Variants in MGMT observed in about 807,000 individuals in gnomAD.
The protein encoded by MGMT is methylated-DNA--protein-cysteine methyltransferase.
A neutral mutation model predicts 15.9 loss-of-function variants in MGMT; 14 were observed. The ratio of observed to expected loss-of-function variants is 0.88; its 90% CI spans 0.58 to 1.37. The LOEUF is 1.37. Among genes scored for constraint, MGMT ranks in the 40% most tolerant of loss-of-function variants. MGMT has a pLI of 0.00. For synonymous variants in MGMT, 130 were observed against 118.2 expected (o/e 1.10, Z -0.65); for missense variants, 282 against 268.1 (o/e 1.05, Z -0.36).
intron 2 of MGMT, among the ~76,000 whole-genome samples, chr10:129,582,505 A>G (rs746829833): frequency 3.9e-5 from 6 of 152,130 alleles, no homozygotes; most frequent in Non-Finnish European, 5.9e-5. Context: ...TCTCCGTACA[A>G]CGTCTTCCCG....
chr10:129,664,178 A>G (rs572334368), intron 2 of MGMT, among the ~76,000 whole-genome samples: 1 of 152,350 alleles, frequency 6.6e-6, no homozygotes, highest in African/African-American at 2.4e-5. Context: ...TGTTCATTGC[A>G]TTGCAGATGA....
intron 1 of MGMT, among the ~76,000 whole-genome samples, chr10:129,507,816 C>T (rs778690271): frequency 6.6e-6 from 1 of 152,208 alleles, no homozygotes; most frequent in Non-Finnish European, 1.5e-5. Context: ...ACCTTTCCGT[C>T]TCCCAAAATA....
chr10:129,528,806 G>A (rs1490466852), intron 1 of MGMT, among the ~76,000 whole-genome samples: 1 of 152,200 alleles, frequency 6.6e-6, no homozygotes, highest in East Asian at 1.9e-4. Context: ...AAGGAAGGAA[G>A]GGTAGGGGAT....
At chr10:129,540,800 C>A (rs1190098032) in intron 2 of MGMT, among the ~76,000 whole-genome samples, 1 of 152,192 alleles carries the variant, frequency 6.6e-6, no homozygotes, top group East Asian at 1.9e-4. Context: ...ACCTTGGATG[C>A]CATCTGGGTC....
chr10:129,669,168 T>A (rs1440023899), intron 2 of MGMT, among the ~76,000 whole-genome samples: 2 of 152,194 alleles, frequency 1.3e-5, no homozygotes, highest in African/African-American at 4.8e-5. Context: ...ATTTTTGTTT[T>A]TTTAAAAATC....
intron 1 of MGMT, among the ~76,000 whole-genome samples, chr10:129,496,495 G>A (rs1265090632): frequency 2.6e-5 from 4 of 152,126 alleles, no homozygotes; most frequent in Admixed American, 6.5e-5. Flanking sequence ...TGCAACCTCT[G>A]GCTTCCATAT....
At position 129,566,381 on chromosome 10, in the gene MGMT, A is replaced by G. The variant is rs563146341; in HGVS notation, c.125+30004A>G. 6.6e-6 allele frequency among the ~76,000 whole-genome samples: 1 copy of G among 152,262 alleles called. No homozygotes were observed. Among genetic ancestry groups the G allele is most frequent in the South Asian group, 2.1e-4 (1 of 4,824 alleles). On this transcript the variant is annotated intron_variant, in intron 2 of 4. Coordinates refer to ENST00000651593, the MANE Select transcript of MGMT (RefSeq NM_002412.5). The surrounding 1 kb of genome is among the most constrained non-coding windows in gnomAD (Gnocchi z 4.1). The stretch of plus-strand genomic sequence containing the variant: ...GCTCTGGCTCTGGGATTCCAAACCA[A>G]GCTGCCTTCTCTGATGTGGCCTTAG...
At chr10:129,700,672 A>G (rs1030439146) in intron 2 of MGMT, 3 of 152,232 alleles carry the variant, frequency 2.0e-5, no homozygotes, top group Non-Finnish European at 4.4e-5. Context: ...TGAAATACAG[A>G]GTCAAAAGGT....
chr10:129,578,696 CAAGAT>C (rs1019523082), intron 2 of MGMT, among the ~76,000 whole-genome samples: 2 of 152,214 alleles, frequency 1.3e-5, no homozygotes, highest in African/African-American at 4.8e-5. Flanking sequence ...AAGAAAGAAA[CAAGAT>C]GAGCTTGTGG....
intron 2 of MGMT, among the ~76,000 whole-genome samples, chr10:129,599,646 A>T (rs927924030): frequency 1.3e-5 from 2 of 152,218 alleles, no homozygotes; most frequent in African/African-American, 4.8e-5. Flanking sequence ...ATAATACTGC[A>T]GTCAGTGCAG....
chr10:129,572,372 T>C lies in MGMT; in HGVS notation c.125+35995T>C, dbSNP rs569708724. Among the ~76,000 whole-genome samples, 22 of 152,302 alleles carry C rather than the reference T, an allele frequency of 1.4e-4. No homozygotes were observed. In the South Asian group the frequency reaches 3.1e-3, roughly 22 times the overall value. On this transcript the variant is annotated intron_variant, in intron 2 of 4. Coordinates refer to ENST00000651593, the MANE Select transcript of MGMT (RefSeq NM_002412.5). The stretch of plus-strand genomic sequence containing the variant: ...ACATTAAGGTTATTTTTCAAACAGG[T>C]TATAGTTCAGAGAAATTAATTTAAA...
At chr10:129,614,044 C>T (rs779207095) in intron 2 of MGMT, among the ~76,000 whole-genome samples, 3 of 152,226 alleles carry the variant, frequency 2.0e-5, no homozygotes, top group Non-Finnish European at 4.4e-5. Flanking sequence ...CACCACCACC[C>T]ATCCTCAGAG....
At chr10:129,480,806 G>A (rs908717684) in intron 1 of MGMT, among the ~76,000 whole-genome samples, 2 of 152,202 alleles carry the variant, frequency 1.3e-5, no homozygotes, top group East Asian at 1.9e-4. Flanking sequence ...ATTCATTTTT[G>A]AGAAAACATC....
At chr10:129,511,357 A>G (rs1845681651) in intron 1 of MGMT, among the ~76,000 whole-genome samples, 1 of 148,306 alleles carries the variant, frequency 6.7e-6, no homozygotes, top group African/African-American at 2.5e-5. Context: ...AGACACAGAC[A>G]TGTGCTTCCT....
At chr10:129,764,554 C>T (rs1417832533) in intron 4 of MGMT, among the ~76,000 whole-genome samples, 1 of 152,254 alleles carries the variant, frequency 6.6e-6, no homozygotes, top group Non-Finnish European at 1.5e-5. Flanking sequence ...CAGCTGCTTC[C>T]TCTAAAAGCT....
chr10:129,572,784 A>G (rs1331664702), intron 2 of MGMT, among the ~76,000 whole-genome samples: 1 of 152,224 alleles, frequency 6.6e-6, no homozygotes, highest in East Asian at 1.9e-4. Context: ...AGCATGATTC[A>G]GACAGCTCTG....
intron 1 of MGMT, among the ~76,000 whole-genome samples, chr10:129,511,699 A>C (rs190980145): frequency 1.2e-3 from 185 of 152,320 alleles, no homozygotes; most frequent in Admixed American, 2.3e-3. Context: ...TGAGGGGCCT[A>C]GCATATACTA....
intron 3 of MGMT, among the ~76,000 whole-genome samples, chr10:129,723,084 C>G (rs1369183563): frequency 6.8e-6 from 1 of 146,612 alleles, no homozygotes; most frequent in Non-Finnish European, 1.5e-5. Flanking sequence ...TTTTTCCATT[C>G]CATTTTCAGA....
chr10:129,667,677 A>G (rs1194257334), intron 2 of MGMT, among the ~76,000 whole-genome samples: 1 of 152,158 alleles, frequency 6.6e-6, no homozygotes, highest in Non-Finnish European at 1.5e-5. Flanking sequence ...GGATGTAATT[A>G]TTGTTAGTTT....
Sources: allele counts gnomAD v4.1 joint callset (sites outside exome capture counted in the v4.1 genomes callset), GRCh38; gene constraint gnomAD v4.1.1; non-coding constraint Gnocchi (gnomAD v3.1); transcripts MANE v1.5; gene names NCBI Gene and HGNC (gene_info 2026-07-23, HGNC 2026-07-21).